Variants in ECSCR observed in about 807,000 individuals in gnomAD.
The protein encoded by ECSCR is endothelial cell surface expressed chemotaxis and apoptosis regulator.
ECSCR carries 12 observed loss-of-function variants against 16.7 expected under a neutral mutation model. That is an observed-to-expected ratio of 0.72 (90% CI 0.46 to 1.17). The LOEUF is 1.17. Ranked by LOEUF, ECSCR falls within the 50% of genes most tolerant of loss-of-function variation. The pLI, the probability that ECSCR is intolerant of heterozygous loss-of-function variation, is 0.00. For synonymous variants in ECSCR, 44 were observed against 42.2 expected, an observed-to-expected ratio of 1.04 and a Z score of -0.17; for missense variants, 122 against 116.1, an observed-to-expected ratio of 1.05 and a Z score of -0.23.
chr5:139,458,013 G>A, intron 2 of ECSCR, 126 bp downstream of exon 2: 1 of 1,218,650 alleles, frequency 8.2e-7, no homozygotes, highest in Admixed American at 2.1e-5. Context: ...GGTGAGTCCT[G>A]AGAGCTCCCG....
At chr5:139,461,977 C>T (rs1751316117) in intron 1 of ECSCR, among the ~76,000 whole-genome samples, 1 of 152,144 alleles carries the variant, frequency 6.6e-6, no homozygotes, top group Admixed American at 6.5e-5. Context: ...AACTCATTGG[C>T]TGGCAGAGCC....
chr5:139,457,488 T>C, intron 4 of ECSCR, 57 bp downstream of exon 4: 1 of 780,412 alleles, frequency 1.3e-6, no homozygotes, highest in Non-Finnish European at 2.4e-6. Flanking sequence ...GCAGAAACTG[T>C]TGGGGTCCTC....
In ECSCR at chr5:139,448,565, G is replaced by C; in HGVS notation, c.*335C>G. The stretch of plus-strand genomic sequence containing the variant: ...GACCTTAAAAGTAATTAGACTGCAG[G>C]CTAGAAAATAATTTTAATGCAAAGT... On this transcript the variant is annotated 3_prime_UTR_variant, in exon 10 of 10. Coordinates refer to ENST00000618155, the MANE Select transcript of ECSCR (RefSeq NM_001077693.4). 1 of 397,538 alleles carries C rather than the reference G, an allele frequency of 2.5e-6. No individual in the cohort carries two copies. Among genetic ancestry groups the C allele is most frequent in the South Asian group, 3.9e-5 (1 of 25,482 alleles). The allele number at this position is 397,538 out of a possible 1,614,324, so 24.6% of individuals were successfully genotyped here.
In ECSCR at chr5:139,462,617, C is replaced by G; in HGVS notation, c.54G>C (p.Leu18=). The change falls in exon 1 of 10, where the codon CTG becomes CTC. Residue 18 remains leucine, a synonymous_variant. Transcript: ENST00000618155. ...GCGGCAGGCACCTCTTACCTCGGAA[C>G]AGGAGGAAGCCCAGGATCACCCAGC... The part of the protein sequence containing the change: ...QLCWVILGFL[L]FRGHNSQPTM... 1 of 1,597,438 alleles carries G rather than the reference C, an allele frequency of 6.3e-7. No homozygotes were observed. The highest frequency in any genetic ancestry group is 8.5e-7 in the Non-Finnish European group (1 of 1,172,440).
chr5:139,456,659 T>C, intron 4 of ECSCR, 141 bp from the exon 5 acceptor site: 1 of 392,702 alleles, frequency 2.5e-6, no homozygotes, highest in Non-Finnish European at 4.5e-6. Flanking sequence ...TTCCTTCATT[T>C]TGGGGTATCC....
chr5:139,459,184 G>A (rs774139382), intron 1 of ECSCR, among the ~76,000 whole-genome samples: 1 of 152,170 alleles, frequency 6.6e-6, no homozygotes, highest in Non-Finnish European at 1.5e-5. Context: ...AGGTCTCTAG[G>A]CTAATGTTTA....
In ECSCR at chr5:139,448,782, C is replaced by T. The variant is rs1750964770; in HGVS notation, c.*118G>A. 2.7e-6 allele frequency: 4 copies of T among 1,499,378 alleles called. No individual in the cohort carries two copies. The Admixed American group carries it at 8.9e-5, about 33-fold the overall frequency. The allele number at this position is 1,499,378 out of a possible 1,614,324, so 92.9% of individuals were successfully genotyped here. A position where few individuals can be genotyped will look rare whatever the true frequency, so the allele number is the denominator to read the frequency against. ...AGTGTCCTTTAGATCTAGAAGCAGACATGAAACAATAAAATAATTTACATG... is the reference window on the plus strand; with the variant it reads ...AGTGTCCTTTAGATCTAGAAGCAGATATGAAACAATAAAATAATTTACATG... On this transcript the variant is annotated 3_prime_UTR_variant, in exon 10 of 10. Coordinates refer to ENST00000618155, the MANE Select transcript of ECSCR (RefSeq NM_001077693.4).
intron 8 of ECSCR, among the ~76,000 whole-genome samples, chr5:139,449,702 C>T (rs1255249725): frequency 6.6e-6 from 1 of 152,056 alleles, no homozygotes; most frequent in Non-Finnish European, 1.5e-5. Context: ...CAAGTTACAA[C>T]CTCTATTAAA....
At chr5:139,452,048 T>C (rs1751063939) in intron 8 of ECSCR, among the ~76,000 whole-genome samples, 3 of 147,932 alleles carry the variant, frequency 2.0e-5, no homozygotes, top group Admixed American at 2.0e-4. Context: ...GTTGTGTGTT[T>C]GTGGTGTATG....
chr5:139,448,938 T>C, intron 9 of ECSCR, 30 bp from the exon 10 acceptor site: 1 of 1,536,922 alleles, frequency 6.5e-7, no homozygotes, highest in South Asian at 1.2e-5. Context: ...TGGGGAAGGG[T>C]GAACTTTTTA....
At position 139,448,724 on chromosome 5, in the gene ECSCR, T is replaced by C; in HGVS notation, c.*176A>G. The stretch of plus-strand genomic sequence containing the variant: ...TCCATACAGGAAAGAGTCTCCCCTG[T>C]TGGTAGCTTGCTCCCAGATCTGGGG... On this transcript the variant is annotated 3_prime_UTR_variant, in exon 10 of 10. Transcript: ENST00000618155. The C allele has an allele frequency of 7.0e-7, 1 of 1,436,306 alleles. No individual in the cohort carries two copies. The highest frequency in any genetic ancestry group is 9.1e-7 in the Non-Finnish European group (1 of 1,100,518). 89.0% of individuals were successfully genotyped at this position (1,436,306 alleles called of 1,614,324 possible).
At chr5:139,449,432 G>A (rs1750980568) in intron 8 of ECSCR, among the ~76,000 whole-genome samples, 1 of 152,062 alleles carries the variant, frequency 6.6e-6, no homozygotes, top group Admixed American at 6.5e-5. Context: ...CCACCTCTCG[G>A]GTTCAAGCGA....
intron 1 of ECSCR, among the ~76,000 whole-genome samples, chr5:139,462,054 A>G (rs1751317818): frequency 6.6e-6 from 1 of 152,164 alleles, no homozygotes; most frequent in South Asian, 2.1e-4. Flanking sequence ...CCTGGATGTG[A>G]GAATGTTAAG....
At chr5:139,452,404 AGGG>A (rs1751081946) in intron 8 of ECSCR, among the ~76,000 whole-genome samples, 3 of 118,012 alleles carry the variant, frequency 2.5e-5, no homozygotes, top group East Asian at 5.7e-4. Flanking sequence ...GTGTGTGTGG[AGGG>A]GTGTATAGTA....
At chr5:139,449,659 G>A (rs1157299740) in intron 8 of ECSCR, among the ~76,000 whole-genome samples, 2 of 151,672 alleles carry the variant, frequency 1.3e-5, no homozygotes, top group Non-Finnish European at 2.9e-5. Context: ...TTTAAATTTT[G>A]GTTTTACTAC....
At chr5:139,454,962 G>C in intron 6 of ECSCR, 39 bp from the exon 7 acceptor site, 1 of 398,784 alleles carries the variant, frequency 2.5e-6, no homozygotes, top group Non-Finnish European at 4.4e-6. Context: ...GGGCCAGTCG[G>C]GGGGACAAAG....
rs756483570 is a variant in ECSCR, at chr5:139,462,642, C to T, written c.29G>A (p.Cys10Tyr). The T allele has an allele frequency of 1.9e-6, 3 of 1,596,480 alleles. No individual in the cohort carries two copies. Among genetic ancestry groups the T allele is most frequent in the South Asian group, 1.1e-5 (1 of 87,896 alleles). Reference protein sequence around the residue: MGTAGAMQLCWVILGFLLFR... With the variant: MGTAGAMQLYWVILGFLLFR... ...CAGGAGGAAGCCCAGGATCACCCAG[C>T]ACAGCTGCATGGCTCCTGCGGTGCC... Residue 10 changes from cysteine (C) to tyrosine (Y), a missense_variant, in exon 1 of 10, where the codon TGC becomes TAC. Cys to Tyr is a radical substitution (Grantham distance 194, BLOSUM62 -2). Coordinates refer to ENST00000618155, the MANE Select transcript of ECSCR (RefSeq NM_001077693.4).
At chr5:139,450,592 A>G (rs1484033956) in intron 8 of ECSCR, among the ~76,000 whole-genome samples, 2 of 151,550 alleles carry the variant, frequency 1.3e-5, no homozygotes, top group African/African-American at 2.4e-5. Flanking sequence ...CCTGGTCAAC[A>G]TGGTGAAACC....
intron 8 of ECSCR, among the ~76,000 whole-genome samples, chr5:139,452,506 G>GGTT (rs2152088597): frequency 4.0e-5 from 6 of 149,190 alleles, no homozygotes; most frequent in South Asian, 4.4e-4. Flanking sequence ...TTTGTGATGT[G>GGTT]TGTGGGGAGG....
Sources: allele counts gnomAD v4.1 joint callset (sites outside exome capture counted in the v4.1 genomes callset), GRCh38; gene constraint gnomAD v4.1.1; transcripts MANE v1.5; gene names NCBI Gene and HGNC (gene_info 2026-07-23, HGNC 2026-07-21).